The following ZNF892 variants were observed in gnomAD, a reference collection of about 807,000 sequenced individuals.
ZNF892 encodes the protein zinc finger protein 570-like.
the ZNF892 span, among the ~76,000 whole-genome samples, chr2:95,225,760 A>G: frequency 3.9e-5 from 6 of 152,180 alleles, no homozygotes; most frequent in Non-Finnish European, 7.3e-5. Context: ...CTAAAATCAG[A>G]TATGGGTGAG....
At chr2:95,230,375 TAAATA>T in the ZNF892 span, among the ~76,000 whole-genome samples, 6 of 152,150 alleles carry the variant, frequency 3.9e-5, no homozygotes, top group African/African-American at 1.4e-4. Flanking sequence ...GAAATATAAA[TAAATA>T]AAATAAATTT....
At chr2:95,242,873 C>CT in the ZNF892 span, among the ~76,000 whole-genome samples, 79 of 152,218 alleles carry the variant, frequency 5.2e-4, no homozygotes, top group Non-Finnish European at 8.5e-4. Flanking sequence ...CTCTCACTCT[C>CT]TTTCCACGGT....
chr2:95,252,987 C>T, the ZNF892 span, among the ~76,000 whole-genome samples: 3 of 152,074 alleles, frequency 2.0e-5, no homozygotes, highest in African/African-American at 7.2e-5. Flanking sequence ...TGGATATTAG[C>T]CCTTTGTCAG....
the ZNF892 span, among the ~76,000 whole-genome samples, chr2:95,233,317 A>C: frequency 6.6e-6 from 1 of 151,344 alleles, no homozygotes; most frequent in Non-Finnish European, 1.5e-5. Flanking sequence ...CTCCCACCTC[A>C]GCCTCCCGGG....
At chr2:95,222,034 A>G in the ZNF892 span, among the ~76,000 whole-genome samples, 1 of 151,770 alleles carries the variant, frequency 6.6e-6, no homozygotes, top group Non-Finnish European at 1.5e-5. Context: ...AAAATGACCT[A>G]TGTAGACTTG....
chr2:95,239,019 A>G, the ZNF892 span, among the ~76,000 whole-genome samples: 1 of 152,030 alleles, frequency 6.6e-6, no homozygotes, highest in African/African-American at 2.4e-5. Context: ...CGTGCCTGTA[A>G]TCCCAGCTAC....
chr2:95,222,267 A>G, the ZNF892 span, among the ~76,000 whole-genome samples: 8 of 152,364 alleles, frequency 5.3e-5, no homozygotes, highest in African/African-American at 1.9e-4. Flanking sequence ...TAGGTTGTTT[A>G]TAATTTTTAG....
At chr2:95,211,249 A>G in the ZNF892 span, among the ~76,000 whole-genome samples, 1 of 152,230 alleles carries the variant, frequency 6.6e-6, no homozygotes, top group African/African-American at 2.4e-5. Context: ...AAACTATACC[A>G]TAAGGAAAAT....
the ZNF892 span, among the ~76,000 whole-genome samples, chr2:95,234,429 T>A: frequency 6.6e-6 from 1 of 152,230 alleles, no homozygotes; most frequent in African/African-American, 2.4e-5. Context: ...CCTGCCTCAC[T>A]CACCCTGGAA....
At chr2:95,262,756 T>C in the ZNF892 span, among the ~76,000 whole-genome samples, 1 of 152,246 alleles carries the variant, frequency 6.6e-6, no homozygotes, top group African/African-American at 2.4e-5. Flanking sequence ...AGGAAATATA[T>C]TTCGGCTTAG....
At chr2:95,252,408 C>T in the ZNF892 span, among the ~76,000 whole-genome samples, 1 of 152,098 alleles carries the variant, frequency 6.6e-6, no homozygotes, top group Non-Finnish European at 1.5e-5. Context: ...CTACAAAGGA[C>T]ATGAACTCAT....
At chr2:95,214,031 A>G in the ZNF892 span, among the ~76,000 whole-genome samples, 840 of 152,250 alleles carry the variant, frequency 5.5e-3, 7 homozygotes, top group African/African-American at 0.019. Context: ...CTATTTCTCC[A>G]TATCACCTCT....
chr2:95,260,979 G>T, the ZNF892 span, among the ~76,000 whole-genome samples: 248 of 152,316 alleles, frequency 1.6e-3, 1 homozygote, highest in African/African-American at 5.8e-3. Context: ...AGTGTGCAGT[G>T]TCCTCTAGGC....
chr2:95,226,665 C>T, the ZNF892 span, among the ~76,000 whole-genome samples: 1 of 152,102 alleles, frequency 6.6e-6, no homozygotes, highest in Non-Finnish European at 1.5e-5. Flanking sequence ...GGAAACATTA[C>T]CTCAAATGCC....
the ZNF892 span, among the ~76,000 whole-genome samples, chr2:95,221,712 A>G: frequency 6.6e-6 from 1 of 151,990 alleles, no homozygotes; most frequent in Non-Finnish European, 1.5e-5. Flanking sequence ...GCTTATTTGT[A>G]TCCTCTCTTG....
At chr2:95,240,268 T>A in the ZNF892 span, among the ~76,000 whole-genome samples, 1 of 152,136 alleles carries the variant, frequency 6.6e-6, no homozygotes, top group East Asian at 1.9e-4. Context: ...GGTTCTCACA[T>A]TGGGAGTGAC....
chr2:95,254,339 C>T, the ZNF892 span, among the ~76,000 whole-genome samples: 3 of 152,262 alleles, frequency 2.0e-5, no homozygotes, highest in South Asian at 6.2e-4. Context: ...TTGAGATAAT[C>T]ATGTGGTTTT....
chr2:95,219,000 T>C, the ZNF892 span, among the ~76,000 whole-genome samples: 32 of 152,054 alleles, frequency 2.1e-4, no homozygotes, highest in Admixed American at 9.8e-4. Flanking sequence ...AGCATTTTCT[T>C]TTTTTTGTTT....
chr2:95,212,633 A>G, the ZNF892 span, among the ~76,000 whole-genome samples: 3 of 152,206 alleles, frequency 2.0e-5, no homozygotes, highest in African/African-American at 2.4e-5. Context: ...GTCTCAGATC[A>G]ATGACTGTAA....
Sources: gnomAD v4.1 joint callset for allele counts (sites outside exome capture counted in the v4.1 genomes callset) on GRCh38, gnomAD v4.1.1 for gene constraint, MANE v1.5 for transcripts, NCBI Gene and HGNC (gene_info 2026-07-23, HGNC 2026-07-21) for gene names.